Variants in SNX29 observed in about 807,000 individuals in gnomAD.
The protein encoded by SNX29 is sorting nexin-29.
SNX29 carries 78 observed loss-of-function variants against 102.1 expected under a neutral mutation model. The ratio of observed to expected loss-of-function variants is 0.76; its 90% CI spans 0.64 to 0.92. The LOEUF (loss-of-function observed/expected upper bound fraction) is 0.92, where lower values mean the gene tolerates loss of function less well. Among genes scored for constraint, SNX29 ranks in the 40% least tolerant of loss-of-function variants. The pLI is 0.00. For missense variants in SNX29, 1,280 were observed against 1,061.7 expected, an observed-to-expected ratio of 1.21 and a Z score of -2.86; for synonymous variants, 580 against 414.5, an observed-to-expected ratio of 1.40 and a Z score of -4.85.
chr16:12,096,529 G>A lies in SNX29; in HGVS notation c.1402+17614G>A, dbSNP rs2052774233. Among the ~76,000 whole-genome samples the A allele has an allele frequency of 6.6e-6, 1 of 152,194 alleles. No homozygotes were observed. Among genetic ancestry groups the A allele is most frequent in the Non-Finnish European group, 1.5e-5 (1 of 68,032 alleles). On this transcript the variant is annotated intron_variant, in intron 11 of 20. Transcript: ENST00000566228. This position sits in a 1 kb window ranked among gnomAD's most constrained non-coding sequence, Gnocchi z 4.2. Reference sequence around the variant, plus strand: ...CATACACAGAGAGTGCTTTGACATTGCGCTCAGCACTCAGGAGATGTTAGC... The same window carrying A: ...CATACACAGAGAGTGCTTTGACATTACGCTCAGCACTCAGGAGATGTTAGC...
At chr16:12,146,992 C>T (rs561972836) in intron 13 of SNX29, among the ~76,000 whole-genome samples, 1 of 152,260 alleles carries the variant, frequency 6.6e-6, no homozygotes, top group South Asian at 2.1e-4. Flanking sequence ...AGAGCAATCA[C>T]GTACAAGGGA....
chr16:12,007,777 A>G (rs1171078198), intron 3 of SNX29, among the ~76,000 whole-genome samples: 1 of 152,098 alleles, frequency 6.6e-6, no homozygotes, highest in Non-Finnish European at 1.5e-5. Flanking sequence ...TTGAATGCAG[A>G]ATGCAGATTC....
chr16:12,541,519 C>G lies in SNX29; in HGVS notation c.2318+16678C>G, dbSNP rs144979989. Reference sequence around the variant, plus strand: ...TGTGATCTGAGTCCCAAGTCATAACCATTTCAGCATGTAGTTGTTCATCAG... The same window carrying G: ...TGTGATCTGAGTCCCAAGTCATAACGATTTCAGCATGTAGTTGTTCATCAG... On this transcript the variant is annotated intron_variant, in intron 20 of 20. Coordinates refer to ENST00000566228, the MANE Select transcript of SNX29 (RefSeq NM_032167.5). 5.8e-4 allele frequency among the ~76,000 whole-genome samples: 89 copies of G among 152,248 alleles called. 1 individual carries two copies. The highest frequency in any genetic ancestry group is 2.0e-3 in the African/African-American group (83 of 41,558).
chr16:12,015,672 A>T (rs1021683843), intron 3 of SNX29, among the ~76,000 whole-genome samples: 1 of 149,158 alleles, frequency 6.7e-6, no homozygotes, highest in African/African-American at 2.5e-5. Flanking sequence ...AGTAGCTGGG[A>T]CTACACGCGC....
chr16:12,293,134 G>C (rs2079855868), intron 15 of SNX29, among the ~76,000 whole-genome samples: 1 of 152,144 alleles, frequency 6.6e-6, no homozygotes, highest in Non-Finnish European at 1.5e-5. Flanking sequence ...AAGAGATGCG[G>C]TCTTGCTATG....
At chr16:12,411,651 A>G (rs1461909645) in intron 18 of SNX29, among the ~76,000 whole-genome samples, 1 of 152,220 alleles carries the variant, frequency 6.6e-6, no homozygotes, top group Non-Finnish European at 1.5e-5. Context: ...CTGCAGAACC[A>G]GTGGGAGCCA....
Position 12,570,281 on chromosome 16 carries a change from T to TCA in SNX29, c.*1653_*1654dup. 3 of 1,062,760 alleles carry TCA rather than the reference T, an allele frequency of 2.8e-6. No individual in the cohort carries two copies. Among genetic ancestry groups the TCA allele is most frequent in the Non-Finnish European group, 3.4e-6 (3 of 877,222 alleles). The allele number at this position is 1,062,760 out of a possible 1,614,324, so 65.8% of individuals were successfully genotyped here. ...ATGTATGGAGGTGCGGACCCTGCAGTCAGTTTGCGAGTGTGGAGGACCCGA... is the reference window on the plus strand; with the variant it reads ...ATGTATGGAGGTGCGGACCCTGCAGTCACAGTTTGCGAGTGTGGAGGACCCGA... On this transcript the variant is annotated 3_prime_UTR_variant, in exon 21 of 21. Coordinates refer to ENST00000566228, the MANE Select transcript of SNX29 (RefSeq NM_032167.5).
At chr16:12,163,999 G>T (rs2055904986) in intron 13 of SNX29, among the ~76,000 whole-genome samples, 1 of 152,200 alleles carries the variant, frequency 6.6e-6, no homozygotes, top group African/African-American at 2.4e-5. Context: ...ACAAGATGAT[G>T]ATGTGAATCT....
intron 20 of SNX29, among the ~76,000 whole-genome samples, chr16:12,543,759 C>A (rs186271979): frequency 3.3e-5 from 5 of 152,248 alleles, no homozygotes; most frequent in African/African-American, 1.2e-4. Context: ...GGGAGATTTT[C>A]CAAGTTTATT....
chr16:12,032,332 C>T (rs1005416168), intron 4 of SNX29, among the ~76,000 whole-genome samples: 15 of 151,946 alleles, frequency 9.9e-5, no homozygotes, highest in African/African-American at 3.6e-4. Flanking sequence ...CTCAGCCTCC[C>T]AAGTAGCTGA....
intron 20 of SNX29, among the ~76,000 whole-genome samples, chr16:12,559,394 C>A (rs995952885): frequency 3.3e-5 from 5 of 151,264 alleles, no homozygotes; most frequent in African/African-American, 1.2e-4. Context: ...TCTCCCATCG[C>A]CCCCTGAAGG....
intron 20 of SNX29, among the ~76,000 whole-genome samples, chr16:12,555,551 G>A (rs569317711): frequency 2.7e-5 from 4 of 150,684 alleles, no homozygotes; most frequent in South Asian, 2.1e-4. Flanking sequence ...CATACCGTGG[G>A]TTTGAGCACC....
At chr16:12,088,585 AAG>A (rs764683614) in intron 11 of SNX29, among the ~76,000 whole-genome samples, 2 of 152,204 alleles carry the variant, frequency 1.3e-5, no homozygotes, top group African/African-American at 4.8e-5. Context: ...TTGAAGAAAA[AAG>A]AGAGATTTCT....
intron 11 of SNX29, among the ~76,000 whole-genome samples, chr16:12,095,683 C>G (rs2052737438): frequency 6.6e-6 from 1 of 152,180 alleles, no homozygotes; most frequent in African/African-American, 2.4e-5. Flanking sequence ...GGGTATTCAG[C>G]TTTTGAATCC....
chr16:12,550,174 C>G (rs192434701), intron 20 of SNX29, among the ~76,000 whole-genome samples: 1 of 152,216 alleles, frequency 6.6e-6, no homozygotes, highest in Non-Finnish European at 1.5e-5. Context: ...TGGAAAAAAT[C>G]TCCATGACAT....
chr16:12,572,438 CTT>C lies in SNX29; in HGVS notation c.*3810_*3811del. ...GCCCAGGCCGGCAGTGGCTGCCTCT[CTT>C]GGTTCTGCATGGTACATTTTGCCAA... On this transcript the variant is annotated 3_prime_UTR_variant, in exon 21 of 21. Transcript: ENST00000566228. 1 of 1,063,020 alleles carries C rather than the reference CTT, an allele frequency of 9.4e-7. No homozygotes were observed. The highest frequency in any genetic ancestry group is 1.1e-6 in the Non-Finnish European group (1 of 877,894). 65.8% of individuals were successfully genotyped at this position (1,063,020 alleles called of 1,614,324 possible). A position where few individuals can be genotyped will look rare whatever the true frequency, so the allele number is the denominator to read the frequency against.
rs531505842 is a variant in SNX29 at position 12,335,517 on chromosome 16, A to G, written c.1783-20646A>G. Among the ~76,000 whole-genome samples the G allele has an allele frequency of 5.3e-5, 8 of 152,216 alleles. No individual in the cohort carries two copies. In the South Asian group the frequency reaches 1.5e-3, roughly 28 times the overall value. Reference sequence around the variant, plus strand: ...CCCTCCCACCCCATCTCTACAAAACATTAAAAAAATTAGCTGGGCATGGTT... The same window carrying G: ...CCCTCCCACCCCATCTCTACAAAACGTTAAAAAAATTAGCTGGGCATGGTT... On this transcript the variant is annotated intron_variant, in intron 15 of 20. Coordinates refer to ENST00000566228, the MANE Select transcript of SNX29 (RefSeq NM_032167.5).
chr16:12,139,544 TCTC>T, intron 13 of SNX29, among the ~76,000 whole-genome samples: 1 of 152,284 alleles, frequency 6.6e-6, no homozygotes, highest in African/African-American at 2.4e-5. Context: ...CCTTAATTGT[TCTC>T]CTCCTGTTGG....
intron 20 of SNX29, among the ~76,000 whole-genome samples, chr16:12,560,009 A>T (rs1014917202): frequency 2.6e-5 from 4 of 152,224 alleles, no homozygotes; most frequent in African/African-American, 9.6e-5. Context: ...AACTTCACTT[A>T]CATTTTGGAA....
Sources: gnomAD v4.1 joint callset for allele counts (sites outside exome capture counted in the v4.1 genomes callset) on GRCh38, gnomAD v4.1.1 for gene constraint, Gnocchi (gnomAD v3.1) non-coding constraint, MANE v1.5 for transcripts, NCBI Gene and HGNC (gene_info 2026-07-23, HGNC 2026-07-21) for gene names.